The following C10orf90 variants were observed in gnomAD, a reference collection of about 807,000 sequenced individuals.
C10orf90 encodes the protein (E2-independent) E3 ubiquitin-conjugating enzyme FATS.
In C10orf90, 56 loss-of-function variants were observed where a neutral mutation model predicts 62.5. The ratio of observed to expected loss-of-function variants is 0.90; its 90% CI spans 0.72 to 1.12. The LOEUF is 1.12. C10orf90 is among the 50% of genes most tolerant of loss of function. The pLI, the probability that C10orf90 is intolerant of heterozygous loss-of-function variation, is 0.00. For missense variants in C10orf90, 970 were observed against 880.4 expected, an observed-to-expected ratio of 1.10 and a Z score of -1.29; for synonymous variants, 386 against 340.4, an observed-to-expected ratio of 1.13 and a Z score of -1.47.
At chr10:126,437,575 A>G (rs1325195759) in intron 7 of C10orf90, among the ~76,000 whole-genome samples, 1 of 152,226 alleles carries the variant, frequency 6.6e-6, no homozygotes, top group Admixed American at 6.5e-5. Context: ...CAGATAAAAT[A>G]AAGACTACTC....
rs761683925 is a variant in C10orf90 at position 126,456,362 on chromosome 10, C to T, written c.2188+2678G>A. 1.1e-4 allele frequency among the ~76,000 whole-genome samples: 16 copies of T among 152,136 alleles called. No individual in the cohort carries two copies. The highest frequency in any genetic ancestry group is 2.1e-4 in the South Asian group (1 of 4,832). Reference sequence around the variant, plus strand: ...ATGGTCAGGGTGGCCATAAAACCCACGTTGGCCAAGTCCCACTTTGAGAGC... The same window carrying T: ...ATGGTCAGGGTGGCCATAAAACCCATGTTGGCCAAGTCCCACTTTGAGAGC... On this transcript the variant is annotated intron_variant, in intron 7 of 9. Transcript: ENST00000488181. The surrounding 1 kb of genome is among the most constrained non-coding windows in gnomAD (Gnocchi z 4.9).
chr10:126,499,396 T>G (rs1426640067), intron 4 of C10orf90, among the ~76,000 whole-genome samples: 7 of 152,212 alleles, frequency 4.6e-5, no homozygotes, highest in Non-Finnish European at 1.0e-4. Flanking sequence ...AAAAGTTTGC[T>G]GATCCCAATT....
chr10:126,596,905 A>G (rs759606760), intron 2 of C10orf90, among the ~76,000 whole-genome samples: 1 of 152,238 alleles, frequency 6.6e-6, no homozygotes, highest in East Asian at 1.9e-4. Flanking sequence ...ATTTAAATAG[A>G]CACTTCATAA....
At chr10:126,446,957 T>C (rs923905671) in intron 7 of C10orf90, among the ~76,000 whole-genome samples, 1 of 152,202 alleles carries the variant, frequency 6.6e-6, no homozygotes, top group African/African-American at 2.4e-5. Context: ...TAAAATAGCC[T>C]GTTATAATTA....
chr10:126,439,710 G>A (rs1858177682), intron 7 of C10orf90, among the ~76,000 whole-genome samples: 1 of 152,228 alleles, frequency 6.6e-6, no homozygotes, highest in South Asian at 2.1e-4. Flanking sequence ...GACAAATTAA[G>A]CAGAAGAAAG....
At position 126,481,818 on chromosome 10, in the gene C10orf90, C is replaced by T. The variant is rs371483820; in HGVS notation, c.1535-16832G>A. Among the ~76,000 whole-genome samples, 8 of 152,190 alleles carry T rather than the reference C, an allele frequency of 5.3e-5. 1 individual carries two copies. The highest frequency in any genetic ancestry group is 2.9e-5 in the Non-Finnish European group (2 of 68,034). ...AAAACCTCCTCCCCAAGTTGGGCCA[C>T]ACAAACCAGAATGCCTTGTCCCAAA... On this transcript the variant is annotated intron_variant, in intron 4 of 9. Transcript: ENST00000488181.
At chr10:126,574,119 A>G (rs1040332902) in intron 2 of C10orf90, among the ~76,000 whole-genome samples, 1 of 152,242 alleles carries the variant, frequency 6.6e-6, no homozygotes, top group African/African-American at 2.4e-5. Flanking sequence ...ATGCCCTTCA[A>G]TGCAAGACTT....
At chr10:126,464,595 A>G in intron 5 of C10orf90, 101 bp downstream of exon 5, 1 of 1,262,382 alleles carries the variant, frequency 7.9e-7, no homozygotes, top group Non-Finnish European at 1.1e-6. Flanking sequence ...AGGTTTCATC[A>G]GGTGAACGGT....
At chr10:126,556,212 A>C (rs1428782980) in intron 2 of C10orf90, among the ~76,000 whole-genome samples, 1 of 152,214 alleles carries the variant, frequency 6.6e-6, no homozygotes, top group Non-Finnish European at 1.5e-5. Flanking sequence ...CCCTCTATCA[A>C]GACAAAGAAA....
chr10:126,638,920 T>A (rs1474587598), intron 2 of C10orf90, among the ~76,000 whole-genome samples: 1 of 152,202 alleles, frequency 6.6e-6, no homozygotes, highest in Non-Finnish European at 1.5e-5. Context: ...GGCATTTCCA[T>A]CACGCTAGAG....
At chr10:126,535,515 T>G (rs554586622) in intron 2 of C10orf90, among the ~76,000 whole-genome samples, 17 of 86,434 alleles carry the variant, frequency 2.0e-4, no homozygotes, top group African/African-American at 5.8e-4. Flanking sequence ...AGACGCTGTC[T>G]CAAAAAAAAA....
intron 4 of C10orf90, among the ~76,000 whole-genome samples, chr10:126,477,299 T>C (rs956105727): frequency 6.8e-6 from 1 of 148,026 alleles, no homozygotes; most frequent in Non-Finnish European, 1.5e-5. Context: ...ATATTCAATA[T>C]TTTTAAAGAA....
intron 7 of C10orf90, among the ~76,000 whole-genome samples, chr10:126,439,167 G>A (rs115404391): frequency 3.2e-3 from 483 of 152,222 alleles, no homozygotes; most frequent in African/African-American, 0.011. Flanking sequence ...TGCTGCTGCC[G>A]TAGACATCCA....
intron 2 of C10orf90, among the ~76,000 whole-genome samples, chr10:126,565,188 TA>T (rs1844326156): frequency 4.5e-5 from 3 of 66,584 alleles, no homozygotes; most frequent in African/African-American, 5.9e-5. Flanking sequence ...TGTAATATAA[TA>T]TTTATATTAC....
intron 2 of C10orf90, among the ~76,000 whole-genome samples, chr10:126,581,234 T>C (rs1355619087): frequency 6.6e-6 from 1 of 152,158 alleles, no homozygotes; most frequent in Non-Finnish European, 1.5e-5. Context: ...GGTATTTTGT[T>C]CCCAAAAGCT....
chr10:126,565,356 A>AATAATATT (rs1844348334), intron 2 of C10orf90, among the ~76,000 whole-genome samples: 1 of 48,560 alleles, frequency 2.1e-5, no homozygotes, highest in African/African-American at 7.9e-5. Flanking sequence ...TATAATATAT[A>AATAATATT]ATATATATTA....
intron 2 of C10orf90, among the ~76,000 whole-genome samples, chr10:126,526,618 A>G (rs551055580): frequency 4.8e-4 from 73 of 152,208 alleles, no homozygotes; most frequent in African/African-American, 1.7e-3. Context: ...AAAGTGCACA[A>G]TTCCGTGGTT....
rs898302484 is a variant in C10orf90 at position 126,630,995 on chromosome 10, A to T, written c.313+15570T>A. ...ATTCCGCGTGGAGCAGAGGATACTC[A>T]CTCACATGTACACCCTTCCACACCT... On this transcript the variant is annotated intron_variant, in intron 2 of 9. Transcript: ENST00000488181. Among the ~76,000 whole-genome samples the T allele has an allele frequency of 1.6e-4, 25 of 152,202 alleles. 1 individual carries two copies. In the East Asian group the frequency reaches 4.5e-3, roughly 27 times the overall value.
rs1360934343 is a variant in C10orf90 at position 126,425,343 on chromosome 10, T to A, written c.*521A>T. On this transcript the variant is annotated 3_prime_UTR_variant, in exon 10 of 10. Transcript: ENST00000488181. ...GCCTCGGGCATTGCACCCACCGGTTTCCAAGTCAGCCTCTAGCATTGGGTG... is the reference window on the plus strand; with the variant it reads ...GCCTCGGGCATTGCACCCACCGGTTACCAAGTCAGCCTCTAGCATTGGGTG... 1 of 153,898 alleles carries A rather than the reference T, an allele frequency of 6.5e-6. No homozygotes were observed. Among genetic ancestry groups the A allele is most frequent in the Non-Finnish European group, 1.4e-5 (1 of 69,268 alleles). The allele number at this position is 153,898 out of a possible 1,614,324, so 9.5% of individuals were successfully genotyped here.
Sources: gnomAD v4.1 joint callset for allele counts (sites outside exome capture counted in the v4.1 genomes callset) on GRCh38, gnomAD v4.1.1 for gene constraint, Gnocchi (gnomAD v3.1) non-coding constraint, MANE v1.5 for transcripts, NCBI Gene and HGNC (gene_info 2026-07-23, HGNC 2026-07-21) for gene names.